PIWIL1: variants seen among roughly 807,000 people sequenced by gnomAD.
The protein encoded by PIWIL1 is piwi like RNA-mediated gene silencing 1, also known as piwi-like protein 1.
PIWIL1 carries 73 observed loss-of-function variants against 114.4 expected under a neutral mutation model. The observed-to-expected ratio is 0.64, with a 90% CI of 0.53 to 0.78. The LOEUF (loss-of-function observed/expected upper bound fraction) is 0.78. Among genes scored for constraint, PIWIL1 ranks in the 30% least tolerant of loss-of-function variants. The pLI, the probability that PIWIL1 is intolerant of heterozygous loss-of-function variation, is 0.00. For missense variants in PIWIL1, 723 were observed against 1,063.1 expected (o/e 0.68, Z 4.45); for synonymous variants, 375 against 369.0 (o/e 1.02, Z -0.19).
intron 1 of PIWIL1, chr12:130,342,186 G>GTGTGTGT (rs201398264): frequency 1.1e-5 from 2 of 189,324 alleles, no homozygotes; most frequent in African/African-American, 4.8e-5. Context: ...GTGTGTGTGT[G>GTGTGTGT]TGTGTCTGTG....
At chr12:130,408,655 GC>G in the PIWIL1 span, among the ~76,000 whole-genome samples, 1 of 152,178 alleles carries the variant, frequency 6.6e-6, no homozygotes, top group Admixed American at 6.5e-5. Flanking sequence ...GCAGAACCTG[GC>G]CCAATCACGA....
chr12:130,405,951 A>C, the PIWIL1 span, among the ~76,000 whole-genome samples: 1 of 152,236 alleles, frequency 6.6e-6, no homozygotes, highest in Admixed American at 6.5e-5. Flanking sequence ...TGAAAACACT[A>C]GTATTAGCAA....
At chr12:130,401,947 C>T in the PIWIL1 span, among the ~76,000 whole-genome samples, 1 of 152,154 alleles carries the variant, frequency 6.6e-6, no homozygotes, top group Non-Finnish European at 1.5e-5. Context: ...CGTGTGTACC[C>T]CAGCCTGCAG....
the PIWIL1 span, among the ~76,000 whole-genome samples, chr12:130,390,109 T>G: frequency 1.1e-4 from 17 of 152,262 alleles, no homozygotes; most frequent in African/African-American, 4.1e-4. Context: ...TTGTTCAATC[T>G]AATCAGCACT....
At chr12:130,368,446 A>G (rs1339865188) in intron 19 of PIWIL1, among the ~76,000 whole-genome samples, 1 of 152,188 alleles carries the variant, frequency 6.6e-6, no homozygotes, top group Non-Finnish European at 1.5e-5. Flanking sequence ...GTTATCTGAC[A>G]GTGGAGAGAA....
chr12:130,375,367 C>T (rs146837137), downstream of PIWIL1, among the ~76,000 whole-genome samples: 157 of 152,328 alleles, frequency 1.0e-3, no homozygotes, highest in African/African-American at 3.7e-3. Flanking sequence ...ATTGGCTCCA[C>T]AGCTCTCTGA....
the PIWIL1 span, among the ~76,000 whole-genome samples, chr12:130,410,055 G>A: frequency 6.6e-6 from 1 of 152,236 alleles, no homozygotes; most frequent in Non-Finnish European, 1.5e-5. Context: ...CCACACCTGC[G>A]ACGGCCAGCC....
downstream of PIWIL1, among the ~76,000 whole-genome samples, chr12:130,375,981 C>T (rs1000878899): frequency 6.6e-6 from 1 of 152,186 alleles, no homozygotes; most frequent in Admixed American, 6.5e-5. Context: ...TGGTTCTTGT[C>T]TCTAAGGCCT....
intron 18 of PIWIL1, 107 bp from the exon 19 acceptor site, chr12:130,367,026 C>T: frequency 7.7e-7 from 1 of 1,294,556 alleles, no homozygotes; most frequent in Non-Finnish European, 1.1e-6. Flanking sequence ...TGATACGCCC[C>T]AGGAGGGATG....
At chr12:130,381,724 A>G in the PIWIL1 span, among the ~76,000 whole-genome samples, 2 of 152,222 alleles carry the variant, frequency 1.3e-5, no homozygotes, top group Non-Finnish European at 2.9e-5. Flanking sequence ...GTTTTGTAAG[A>G]AACTGCCTGT....
intron 1 of PIWIL1, among the ~76,000 whole-genome samples, chr12:130,340,565 C>T (rs930853794): frequency 6.8e-6 from 1 of 147,414 alleles, no homozygotes; most frequent in African/African-American, 2.5e-5. Context: ...CTCACTGCGG[C>T]TCACTTCCTG....
intron 9 of PIWIL1, chr12:130,351,514 G>T (rs2073210239): frequency 1.3e-5 from 2 of 152,210 alleles, no homozygotes; most frequent in African/African-American, 2.4e-5. Context: ...CATGTTGCCA[G>T]TGTTGAATGT....
At chr12:130,374,457 A>G (rs933497915), downstream of PIWIL1, among the ~76,000 whole-genome samples, 8 of 152,346 alleles carry the variant, frequency 5.3e-5, no homozygotes, top group Non-Finnish European at 1.2e-4. Context: ...TCCATTGTGT[A>G]CAATAGAGAA....
At chr12:130,395,301 A>C in the PIWIL1 span, among the ~76,000 whole-genome samples, 1,606 of 152,320 alleles carry the variant, frequency 0.011, 29 homozygotes, top group African/African-American at 0.036. Flanking sequence ...TTCTCTTATC[A>C]TCACCAGAAA....
chr12:130,346,765 G>T (rs1233228038), intron 5 of PIWIL1, among the ~76,000 whole-genome samples, 176 bp from the exon 6 acceptor site: 2 of 152,142 alleles, frequency 1.3e-5, no homozygotes, highest in Non-Finnish European at 2.9e-5. Context: ...GTAACTTGAT[G>T]ATTACAATTG....
the PIWIL1 span, chr12:130,406,107 A>G: frequency 9.1e-7 from 1 of 1,103,652 alleles, no homozygotes; most frequent in Non-Finnish European, 1.4e-6. Flanking sequence ...CTAGCAAAAC[A>G]AAACACACAA....
downstream of PIWIL1, among the ~76,000 whole-genome samples, chr12:130,377,335 G>C (rs2073874662): frequency 6.6e-6 from 1 of 152,178 alleles, no homozygotes; most frequent in Non-Finnish European, 1.5e-5. Context: ...AAGTTGAAGG[G>C]CTCTGCCCCA....
rs552876362 is a variant in PIWIL1, at chr12:130,365,509, A to G, written c.2196-1624A>G. Among the ~76,000 whole-genome samples the G allele has an allele frequency of 2.2e-4, 33 of 152,348 alleles. No individual in the cohort carries two copies. The East Asian group carries it at 6.4e-3, about 29-fold the overall frequency. ...TAGAAAATGCAAAGTTTGGACTTCA[A>G]TGTTTGTCTAATAGTTATCATTAGA... On this transcript the variant is annotated intron_variant, in intron 18 of 20. Coordinates refer to ENST00000245255, the MANE Select transcript of PIWIL1 (RefSeq NM_004764.5).
At chr12:130,378,170 G>A in the PIWIL1 span, among the ~76,000 whole-genome samples, 2 of 152,146 alleles carry the variant, frequency 1.3e-5, no homozygotes, top group African/African-American at 4.8e-5. Context: ...TTTGCAAGCA[G>A]TCCTCCCCAC....
Sources: allele counts gnomAD v4.1 joint callset (sites outside exome capture counted in the v4.1 genomes callset), GRCh38; gene constraint gnomAD v4.1.1; transcripts MANE v1.5; gene names NCBI Gene and HGNC (gene_info 2026-07-23, HGNC 2026-07-21).